CHAMP1: variants seen among roughly 807,000 people sequenced by gnomAD.
CHAMP1 encodes the protein chromosome alignment-maintaining phosphoprotein 1.
A neutral mutation model predicts 54.5 loss-of-function variants in CHAMP1; 4 were observed. That is an observed-to-expected ratio of 0.07 (90% CI 0.04 to 0.17). The LOEUF is 0.17. CHAMP1 is among the 10% of genes least tolerant of loss of function. The pLI is 1.00. For missense variants in CHAMP1, 994 were observed against 968.6 expected (o/e 1.03, Z -0.35); for synonymous variants, 368 against 342.2 (o/e 1.08, Z -0.83).
chr13:114,327,287 G>A lies in CHAMP1; in HGVS notation c.*1006G>A, dbSNP rs1181956697. On this transcript the variant is annotated 3_prime_UTR_variant, in exon 3 of 3. Coordinates refer to ENST00000361283, the MANE Select transcript of CHAMP1 (RefSeq NM_032436.4). Reference sequence around the variant, plus strand: ...TATTCTAAAATATTTTGTCAAATGTGTATCAACCAAATTAAAAAGAAAGGT... The same window carrying A: ...TATTCTAAAATATTTTGTCAAATGTATATCAACCAAATTAAAAAGAAAGGT... 1.3e-5 allele frequency: 2 copies of A among 157,670 alleles called. No individual in the cohort carries two copies. Among genetic ancestry groups the A allele is most frequent in the South Asian group, 2.1e-4 (1 of 4,826 alleles). The allele number at this position is 157,670 out of a possible 1,614,324, so 9.8% of individuals were successfully genotyped here.
At chr13:114,316,206 T>C (rs1006316389) in intron 1 of CHAMP1, among the ~76,000 whole-genome samples, 11 of 151,150 alleles carry the variant, frequency 7.3e-5, no homozygotes, top group East Asian at 2.0e-4. Flanking sequence ...TTTTGTTGCC[T>C]GGGCTGGAGT....
In CHAMP1 at chr13:114,326,520, CT is replaced by C; in HGVS notation, c.*243del. ...TCCAGATGGATTAAACTTCTCATTTCTTTTAAATATGTATGAATAATAATAC... is the reference window on the plus strand; with the variant it reads ...TCCAGATGGATTAAACTTCTCATTTCTTTAAATATGTATGAATAATAATAC... On this transcript the variant is annotated 3_prime_UTR_variant, in exon 3 of 3. Coordinates refer to ENST00000361283, the MANE Select transcript of CHAMP1 (RefSeq NM_032436.4). 1 of 378,166 alleles carries C rather than the reference CT, an allele frequency of 2.6e-6. No homozygotes were observed. Among genetic ancestry groups the C allele is most frequent in the Non-Finnish European group, 4.9e-6 (1 of 205,450 alleles). The allele number at this position is 378,166 out of a possible 1,614,324, so 23.4% of individuals were successfully genotyped here. A position where few individuals can be genotyped will look rare whatever the true frequency, so the allele number is the denominator to read the frequency against.
chr13:114,314,802 C>G (rs547808457), intron 1 of CHAMP1, among the ~76,000 whole-genome samples, 159 bp downstream of exon 1: 1 of 151,984 alleles, frequency 6.6e-6, no homozygotes, highest in Non-Finnish European at 1.5e-5. Context: ...AGGGAAGGGC[C>G]CGCCCCCACA....
At chr13:114,323,209 A>G (rs1350649047) in intron 2 of CHAMP1, 1 of 152,256 alleles carries the variant, frequency 6.6e-6, no homozygotes, top group Admixed American at 6.5e-5. Flanking sequence ...TATTAAATGA[A>G]TTAATAGAAT....
At chr13:114,317,443 T>G (rs902402703) in intron 1 of CHAMP1, among the ~76,000 whole-genome samples, 1 of 151,738 alleles carries the variant, frequency 6.6e-6, no homozygotes, top group Admixed American at 6.6e-5. Flanking sequence ...CTGGACAACA[T>G]AGTGAGACCT....
intron 1 of CHAMP1, among the ~76,000 whole-genome samples, chr13:114,320,704 C>T (rs1354670416): frequency 6.6e-6 from 1 of 152,072 alleles, no homozygotes; most frequent in Admixed American, 6.6e-5. Flanking sequence ...CACCTGTAAT[C>T]CCAGCACTTT....
In CHAMP1 at chr13:114,325,363, C is replaced by A. The variant is rs150753986; in HGVS notation, c.1521C>A (p.Ser507=). The change falls in exon 3 of 3, where the codon TCC becomes TCA. Residue 507 remains serine (S), a synonymous_variant. Coordinates refer to ENST00000361283, the MANE Select transcript of CHAMP1 (RefSeq NM_032436.4). ...CAGGTCCTTCTGGGCCATCTGAGTC[C>A]CCCAAAGCAGCCTCAGATATCTGGA... ...RKPGPSGPSE[S]PKAASDIWKP... 484 of 1,614,062 alleles carry A rather than the reference C, an allele frequency of 3.0e-4. 1 individual carries two copies. The highest frequency in any genetic ancestry group is 2.3e-3 in the Middle Eastern group (14 of 6,062).
chr13:114,315,494 A>G (rs2087085580), intron 1 of CHAMP1, among the ~76,000 whole-genome samples: 1 of 152,250 alleles, frequency 6.6e-6, no homozygotes, highest in Non-Finnish European at 1.5e-5. Context: ...GCTGTGGTAT[A>G]TACATATAAT....
chr13:114,315,805 G>A (rs1411267157), intron 1 of CHAMP1, among the ~76,000 whole-genome samples: 1 of 150,634 alleles, frequency 6.6e-6, no homozygotes, highest in East Asian at 1.9e-4. Context: ...ACTAAATTGT[G>A]CTTTTAAAAA....
intron 1 of CHAMP1, among the ~76,000 whole-genome samples, chr13:114,318,794 T>G (rs1400248375): frequency 6.6e-6 from 1 of 151,400 alleles, no homozygotes; most frequent in East Asian, 1.9e-4. Flanking sequence ...CCTTTTGAAG[T>G]TAAATGTCTT....
Position 114,326,312 on chromosome 13 carries a change from G to T in CHAMP1, c.*31G>T, listed in dbSNP as rs1594133073. The T allele has an allele frequency of 2.0e-6, 3 of 1,532,444 alleles. No individual in the cohort carries two copies. The highest frequency in any genetic ancestry group is 2.6e-6 in the Non-Finnish European group (3 of 1,144,034). The allele number at this position is 1,532,444 out of a possible 1,614,324, so 94.9% of individuals were successfully genotyped here. On this transcript the variant is annotated 3_prime_UTR_variant, in exon 3 of 3. Transcript: ENST00000361283. ...CAGTGTGAATATTTGTTCTACAAAG[G>T]TGTTTGTTGGAACCATTCTTTGTAA...
In CHAMP1 at chr13:114,324,649, G is replaced by C. The variant is rs782250283; in HGVS notation, c.807G>C (p.Lys269Asn). 6.2e-7 allele frequency: 1 copy of C among 1,614,080 alleles called. No individual in the cohort carries two copies. The highest frequency in any genetic ancestry group is 8.5e-7 in the Non-Finnish European group (1 of 1,180,022). The stretch of plus-strand genomic sequence containing the variant: ...CAGCTGCATCTCCAGAATCTCGGAA[G>C]TCAGCCCGGACTACCTCCCCTGAGC... Reference protein sequence around the residue: ...PSPAASPESRKSARTTSPEPR... With the variant: ...PSPAASPESRNSARTTSPEPR... The change falls in exon 3 of 3, where the codon AAG becomes AAC. Residue 269 changes from lysine (K) to asparagine (N), a missense_variant. Around this residue, in one of 3 missense-constraint regions of CHAMP1, gnomAD observed 851 missense variants for 701.3 expected, o/e 1.21. Transcript: ENST00000361283.
chr13:114,319,679 T>C (rs1184980709), intron 1 of CHAMP1, among the ~76,000 whole-genome samples: 3 of 152,238 alleles, frequency 2.0e-5, no homozygotes, highest in Non-Finnish European at 4.4e-5. Flanking sequence ...CAAGGCTGAC[T>C]GTAGGACCTG....
chr13:114,318,047 C>T (rs1317288755), intron 1 of CHAMP1, among the ~76,000 whole-genome samples: 2 of 152,214 alleles, frequency 1.3e-5, no homozygotes, highest in Non-Finnish European at 2.9e-5. Context: ...ACGCCCAGCT[C>T]TCTAGGCTTT....
Position 114,326,118 on chromosome 13 carries a change from C to T in CHAMP1, c.2276C>T (p.Ala759Val), listed in dbSNP as rs782661164. 3 of 1,613,202 alleles carry T rather than the reference C, an allele frequency of 1.9e-6. No homozygotes were observed. The highest frequency in any genetic ancestry group is 2.2e-5 in the East Asian group (1 of 44,860). Reference sequence around the variant, plus strand: ...TCTCTCCTTAAAAATCATGTAGCAGCCCATGGGCAAAGTTTACTTAAATGT... The same window carrying T: ...TCTCTCCTTAAAAATCATGTAGCAGTCCATGGGCAAAGTTTACTTAAATGT... ...LESLLKNHVA[A>V]HGQSLLKCPR... The change falls in exon 3 of 3, where the codon GCC becomes GTC. Residue 759 changes from alanine to valine, a missense_variant. Coordinates refer to ENST00000361283, the MANE Select transcript of CHAMP1 (RefSeq NM_032436.4).
chr13:114,322,564 G>A (rs963539026), intron 2 of CHAMP1: 1 of 152,134 alleles, frequency 6.6e-6, no homozygotes, highest in Non-Finnish European at 1.5e-5. Context: ...ATATATACAC[G>A]TTGTTATGCA....
intron 1 of CHAMP1, among the ~76,000 whole-genome samples, chr13:114,316,462 C>T (rs763779255): frequency 7.3e-5 from 11 of 151,488 alleles, no homozygotes; most frequent in South Asian, 2.1e-4. Context: ...TGGTGGCGCG[C>T]GCCTGTAGTC....
chr13:114,326,431 T>C lies in CHAMP1; in HGVS notation c.*150T>C. 1 of 892,762 alleles carries C rather than the reference T, an allele frequency of 1.1e-6. No individual in the cohort carries two copies. The highest frequency in any genetic ancestry group is 1.6e-6 in the Non-Finnish European group (1 of 619,762). 55.3% of individuals were successfully genotyped at this position (892,762 alleles called of 1,614,324 possible). A position where few individuals can be genotyped will look rare whatever the true frequency, so the allele number is the denominator to read the frequency against. ...CAGTTGTGTTACTAAGAATGAGCATTTGATCATTTTTTTCTGGTCTCTGTC... is the reference window on the plus strand; with the variant it reads ...CAGTTGTGTTACTAAGAATGAGCATCTGATCATTTTTTTCTGGTCTCTGTC... On this transcript the variant is annotated 3_prime_UTR_variant, in exon 3 of 3. Transcript: ENST00000361283.
rs782099463 is a variant in CHAMP1, at chr13:114,324,783, C to G, written c.941C>G (p.Pro314Arg). The G allele has an allele frequency of 1.9e-6, 3 of 1,614,044 alleles. No homozygotes were observed. Among genetic ancestry groups the G allele is most frequent in the Admixed American group, 1.7e-5 (1 of 60,020 alleles). ...APAVSPGSWK[P>R]GPPGSPRPWK... Reference sequence around the variant, plus strand: ...GCTGTGTCACCAGGCTCTTGGAAACCAGGGCCACCTGGGTCCCCTAGGCCT... The same window carrying G: ...GCTGTGTCACCAGGCTCTTGGAAACGAGGGCCACCTGGGTCCCCTAGGCCT... The change falls in exon 3 of 3, where the codon CCA becomes CGA. Residue 314 changes from proline to arginine, a missense_variant. Physicochemically the swap from Pro to Arg is moderately radical, Grantham distance 103. Coordinates refer to ENST00000361283, the MANE Select transcript of CHAMP1 (RefSeq NM_032436.4).
Sources: allele counts gnomAD v4.1 joint callset (sites outside exome capture counted in the v4.1 genomes callset), GRCh38; gene constraint gnomAD v4.1.1; regional missense constraint gnomAD v4.1.1; transcripts MANE v1.5; gene names NCBI Gene and HGNC (gene_info 2026-07-23, HGNC 2026-07-21).